The following UST variants were observed in gnomAD, a reference collection of about 807,000 sequenced individuals.
The protein encoded by UST is uronyl 2-sulfotransferase.
In UST, 21 loss-of-function variants were observed where a neutral mutation model predicts 45.6. The ratio of observed to expected loss-of-function variants is 0.46; its 90% CI spans 0.33 to 0.66. UST has a LOEUF of 0.66. Among genes scored for constraint, UST ranks in the 30% least tolerant of loss-of-function variants. UST has a pLI of 0.02. For missense variants in UST, 463 were observed against 512.4 expected, an observed-to-expected ratio of 0.90 and a Z score of 0.93; for synonymous variants, 215 against 200.6, an observed-to-expected ratio of 1.07 and a Z score of -0.61.
intron 2 of UST, among the ~76,000 whole-genome samples, chr6:148,896,585 T>A (rs1779135870): frequency 6.6e-6 from 1 of 152,244 alleles, no homozygotes; most frequent in African/African-American, 2.4e-5. Context: ...CTTTCTTATT[T>A]TTGTCTAAGG....
At chr6:148,762,022 C>T (rs1776233054) in intron 1 of UST, among the ~76,000 whole-genome samples, 1 of 152,116 alleles carries the variant, frequency 6.6e-6, no homozygotes, top group African/African-American at 2.4e-5. Flanking sequence ...GGATTGAGGC[C>T]ACCTTGTTTT....
intron 5 of UST, among the ~76,000 whole-genome samples, chr6:149,014,630 G>A (rs1477329454): frequency 2.6e-5 from 4 of 152,192 alleles, no homozygotes; most frequent in African/African-American, 9.7e-5. Context: ...AGCCCAGGTG[G>A]ACTGGAGTAT....
At chr6:149,026,146 TAA>T (rs771431174) in intron 7 of UST, among the ~76,000 whole-genome samples, 17 of 87,708 alleles carry the variant, frequency 1.9e-4, no homozygotes, top group Non-Finnish European at 1.8e-4. Flanking sequence ...AGACTCCATC[TAA>T]AAAAAAAAAA....
intron 7 of UST, among the ~76,000 whole-genome samples, chr6:149,040,136 A>G (rs745522567): frequency 1.2e-4 from 19 of 152,182 alleles, no homozygotes; most frequent in Non-Finnish European, 2.2e-4. Flanking sequence ...AGCTCTTCCA[A>G]CTCAAACAAC....
intron 1 of UST, among the ~76,000 whole-genome samples, chr6:148,884,779 A>G (rs1225732037): frequency 2.0e-5 from 3 of 152,184 alleles, no homozygotes; most frequent in Admixed American, 6.5e-5. Flanking sequence ...CATCTCTCAT[A>G]TGGCCCAGAG....
At chr6:148,869,196 G>T (rs555757799) in intron 1 of UST, among the ~76,000 whole-genome samples, 10 of 152,166 alleles carry the variant, frequency 6.6e-5, no homozygotes, top group Non-Finnish European at 1.2e-4. Context: ...TTTGGCTTTG[G>T]TGTAGTTTTG....
At chr6:148,930,613 C>A (rs1779903423) in intron 2 of UST, among the ~76,000 whole-genome samples, 1 of 152,070 alleles carries the variant, frequency 6.6e-6, no homozygotes, top group African/African-American at 2.4e-5. Context: ...AGGTGAAGCC[C>A]CCACATGCAG....
intron 1 of UST, among the ~76,000 whole-genome samples, chr6:148,767,629 T>C (rs1776346386): frequency 6.6e-6 from 1 of 152,132 alleles, no homozygotes; most frequent in African/African-American, 2.4e-5. Context: ...TGGATGCACA[T>C]AGAGTGAATA....
intron 2 of UST, among the ~76,000 whole-genome samples, chr6:148,927,628 T>C (rs1395861165): frequency 6.6e-6 from 1 of 152,044 alleles, no homozygotes; most frequent in Non-Finnish European, 1.5e-5. Context: ...AGATATTGCG[T>C]GAAAGGCACC....
At chr6:148,783,202 A>G (rs1453294315) in intron 1 of UST, among the ~76,000 whole-genome samples, 1 of 152,192 alleles carries the variant, frequency 6.6e-6, no homozygotes, top group African/African-American at 2.4e-5. Context: ...ATTAAGGTAT[A>G]TACATTATTT....
At chr6:148,860,136 G>A (rs1273524325) in intron 1 of UST, among the ~76,000 whole-genome samples, 1 of 152,214 alleles carries the variant, frequency 6.6e-6, no homozygotes, top group Non-Finnish European at 1.5e-5. Flanking sequence ...AGCATGGAAT[G>A]TTCTTCCATT....
intron 1 of UST, among the ~76,000 whole-genome samples, chr6:148,829,767 A>G (rs1777646745): frequency 6.6e-6 from 1 of 152,156 alleles, no homozygotes; most frequent in South Asian, 2.1e-4. Context: ...CTTCTTTCTA[A>G]TAGTTACTCA....
intron 1 of UST, among the ~76,000 whole-genome samples, chr6:148,795,444 A>G (rs140950841): frequency 3.3e-4 from 50 of 152,310 alleles, no homozygotes; most frequent in African/African-American, 1.2e-3. Flanking sequence ...GATACAAAGT[A>G]TCTCCTTGTT....
intron 1 of UST, among the ~76,000 whole-genome samples, chr6:148,872,382 GAT>G (rs1222357505): frequency 6.6e-6 from 1 of 151,370 alleles, no homozygotes; most frequent in Non-Finnish European, 1.5e-5. Context: ...TATTAGGGAA[GAT>G]ATTAAATTTT....
intron 7 of UST, among the ~76,000 whole-genome samples, chr6:149,042,523 C>T (rs918846095): frequency 6.6e-5 from 10 of 152,312 alleles, no homozygotes; most frequent in Non-Finnish European, 1.0e-4. Flanking sequence ...CATAGCACTG[C>T]GCCACCCTGC....
At chr6:148,964,141 A>C (rs114645278) in intron 4 of UST, among the ~76,000 whole-genome samples, 3,744 of 152,308 alleles carry the variant, frequency 0.025, 116 homozygotes, top group African/African-American at 0.075. Context: ...CTTAACATGC[A>C]CAATGGTGTG....
At chr6:148,816,570 A>G (rs1167408176) in intron 1 of UST, among the ~76,000 whole-genome samples, 3 of 152,244 alleles carry the variant, frequency 2.0e-5, no homozygotes, top group African/African-American at 7.2e-5. Context: ...TATTAAAAGA[A>G]AAGTTTTCTG....
intron 2 of UST, among the ~76,000 whole-genome samples, chr6:148,935,332 C>T (rs551845883): frequency 6.6e-6 from 1 of 152,252 alleles, no homozygotes; most frequent in South Asian, 2.1e-4. Flanking sequence ...TTCATATAAC[C>T]GCAGTTGCCA....
At chr6:148,976,262 C>T (rs1291157696) in intron 5 of UST, among the ~76,000 whole-genome samples, 1 of 152,088 alleles carries the variant, frequency 6.6e-6, no homozygotes, top group Non-Finnish European at 1.5e-5. Flanking sequence ...GTTTAATAAC[C>T]ACCTCTGGCG....
Sources: allele counts gnomAD v4.1 joint callset (sites outside exome capture counted in the v4.1 genomes callset), GRCh38; gene constraint gnomAD v4.1.1; transcripts MANE v1.5; gene names NCBI Gene and HGNC (gene_info 2026-07-23, HGNC 2026-07-21).